Variants in LIMK2 observed in about 807,000 individuals in gnomAD.
The protein encoded by LIMK2 is LIM domain kinase 2.
Under a neutral mutation model 75.7 loss-of-function variants are expected in LIMK2, and 35 were observed. That is an observed-to-expected ratio of 0.46 (90% CI 0.35 to 0.61). The LOEUF is 0.61. LIMK2 is among the 20% of genes least tolerant of loss of function. The pLI is 0.00. For synonymous variants in LIMK2, 301 were observed against 319.2 expected (o/e 0.94, Z 0.61); for missense variants, 623 against 831.0 (o/e 0.75, Z 3.08).
intron 15 of LIMK2, among the ~76,000 whole-genome samples, chr22:31,276,221 G>A (rs753856356): frequency 3.8e-4 from 58 of 152,168 alleles, no homozygotes; most frequent in Non-Finnish European, 7.1e-4. Flanking sequence ...GGCAACAAGA[G>A]TGAAACTCTG....
intron 11 of LIMK2, among the ~76,000 whole-genome samples, chr22:31,270,101 A>C (rs2048940604): frequency 6.6e-6 from 1 of 152,224 alleles, no homozygotes; most frequent in East Asian, 1.9e-4. Context: ...CTGTGCTAGC[A>C]GAACCTATCA....
intron 2 of LIMK2, among the ~76,000 whole-genome samples, chr22:31,228,946 TCAAAA>T (rs2048501658): frequency 1.4e-5 from 2 of 139,026 alleles, no homozygotes; most frequent in Non-Finnish European, 3.0e-5. Context: ...AACCCCTGTC[TCAAAA>T]CAAAACAAAT....
intron 1 of LIMK2, among the ~76,000 whole-genome samples, chr22:31,221,055 A>G (rs2048429595): frequency 1.3e-5 from 2 of 152,230 alleles, no homozygotes; most frequent in African/African-American, 4.8e-5. Flanking sequence ...GGATGCAAGT[A>G]CATGAATAAA....
chr22:31,275,459 A>G (rs2049004112), intron 15 of LIMK2, 151 bp downstream of exon 15: 3 of 689,948 alleles, frequency 4.3e-6, no homozygotes, highest in Admixed American at 2.8e-5. Context: ...CTGACAACAC[A>G]TATGTACAGG....
intron 12 of LIMK2, 66 bp from the exon 13 acceptor site, chr22:31,272,464 C>T: frequency 6.8e-7 from 1 of 1,477,040 alleles, no homozygotes; most frequent in South Asian, 1.3e-5. Flanking sequence ...CTTGCCTATG[C>T]TTCCTCCCCA....
rs2049064730 is a variant in LIMK2, at chr22:31,279,497, G to A, written c.*1056G>A. On this transcript the variant is annotated 3_prime_UTR_variant, in exon 16 of 16. Transcript: ENST00000331728. ...GGTGGTGGCAGAGTCTCAAAGCTGAGATGCTGAGAGAGATAGCTCCCTGAG... is the reference window on the plus strand; with the variant it reads ...GGTGGTGGCAGAGTCTCAAAGCTGAAATGCTGAGAGAGATAGCTCCCTGAG... The A allele has an allele frequency of 6.6e-6, 1 of 152,268 alleles. No homozygotes were observed. Among genetic ancestry groups the A allele is most frequent in the Non-Finnish European group, 1.5e-5 (1 of 68,082 alleles). 9.4% of individuals were successfully genotyped at this position (152,268 alleles called of 1,614,324 possible).
chr22:31,227,360 A>C (rs902005633), intron 2 of LIMK2, among the ~76,000 whole-genome samples: 2 of 152,234 alleles, frequency 1.3e-5, no homozygotes, highest in Admixed American at 6.5e-5. Context: ...GCTTATACCA[A>C]GTAATTGAGT....
In LIMK2 at chr22:31,272,593, G is replaced by A; in HGVS notation, c.1447G>A (p.Ala483Thr). 2 of 1,613,886 alleles carry A rather than the reference G, an allele frequency of 1.2e-6. No homozygotes were observed. The highest frequency in any genetic ancestry group is 1.6e-4 in the Middle Eastern group (1 of 6,062). Residue 483 changes from alanine (A) to threonine (T), a missense_variant, in exon 13 of 16, where the codon GCC (alanine) becomes ACC (threonine). Ala to Thr is a moderately conservative substitution (Grantham distance 58). This residue lies in a region of LIMK2 where 514 missense variants were observed against 661.3 expected (regional missense o/e 0.78). Coordinates refer to ENST00000331728, the MANE Select transcript of LIMK2 (RefSeq NM_005569.4). ...GCTCATAGTGGAAGAGAGGAAAAGGGCCCCCATGGAGAAGGCCACCACCAA... is the reference window on the plus strand; with the variant it reads ...GCTCATAGTGGAAGAGAGGAAAAGGACCCCCATGGAGAAGGCCACCACCAA... ...SRLIVEERKR[A>T]PMEKATTKKR... is the part of the protein sequence containing the mutation.
At chr22:31,272,729 ACAC>A (rs2048972403) in intron 13 of LIMK2, 25 bp downstream of exon 13, 1 of 1,561,820 alleles carries the variant, frequency 6.4e-7, no homozygotes, top group Non-Finnish European at 8.7e-7. Context: ...CCTGGAGGGG[ACAC>A]CCGCAGAGGG....
chr22:31,262,218 C>T lies in LIMK2; in HGVS notation c.636C>T (p.Val212=), dbSNP rs1568997671. The change falls in exon 6 of 16, where the codon GTC becomes GTT. Residue 212 remains valine, a synonymous_variant. Transcript: ENST00000331728. This position sits in a 1 kb window ranked among gnomAD's most constrained non-coding sequence, Gnocchi z 5.0. Reference sequence around the variant, plus strand: ...TCCTGGAGATCAATGGGACCCCCGTCCGCACACTTCGAGTGGAGGAGGTAG... The same window carrying T: ...TCCTGGAGATCAATGGGACCCCCGTTCGCACACTTCGAGTGGAGGAGGTAG... ...DRILEINGTP[V]RTLRVEEVED... The T allele has an allele frequency of 3.1e-6, 5 of 1,613,714 alleles. No individual in the cohort carries two copies. Among genetic ancestry groups the T allele is most frequent in the East Asian group, 2.2e-5 (1 of 44,884 alleles).
At chr22:31,261,556 AAG>A (rs1042516060) in intron 5 of LIMK2, among the ~76,000 whole-genome samples, 4 of 151,358 alleles carry the variant, frequency 2.6e-5, no homozygotes, top group African/African-American at 9.7e-5. Flanking sequence ...AAAAAAAAAA[AAG>A]AGTTTGGGAT....
chr22:31,269,050 G>T (rs1002360896), intron 11 of LIMK2, among the ~76,000 whole-genome samples: 4 of 121,834 alleles, frequency 3.3e-5, no homozygotes, highest in African/African-American at 5.4e-5. Context: ...TTGTTTGTTT[G>T]TTTGTTTTTT....
chr22:31,258,252 G>C, intron 2 of LIMK2, 39 bp from the exon 3 acceptor site: 1 of 1,559,214 alleles, frequency 6.4e-7, no homozygotes, highest in Non-Finnish European at 8.7e-7. Flanking sequence ...CCTGGTTCCA[G>C]GGATCCAGGA....
At position 31,262,045 on chromosome 22, in the gene LIMK2, G is replaced by C; in HGVS notation, c.552-89G>C. 1 of 1,045,594 alleles carries C rather than the reference G, an allele frequency of 9.6e-7. No individual in the cohort carries two copies. Among genetic ancestry groups the C allele is most frequent in the Non-Finnish European group, 1.5e-6 (1 of 667,670 alleles). The allele number at this position is 1,045,594 out of a possible 1,614,324, so 64.8% of individuals were successfully genotyped here. ...CCCCTTAGGGGCCACTGGTGGCCTG[G>C]GACCTGGTAAACCTTCCCTGCACAA... On this transcript the variant is annotated intron_variant, in intron 5 of 15. Transcript: ENST00000331728. The surrounding 1 kb of genome is among the most constrained non-coding windows in gnomAD (Gnocchi z 5.0).
intron 14 of LIMK2, among the ~76,000 whole-genome samples, chr22:31,274,543 G>C (rs1359237867): frequency 6.6e-6 from 1 of 152,106 alleles, no homozygotes; most frequent in Non-Finnish European, 1.5e-5. Flanking sequence ...TGGGACTACA[G>C]GTGTGCGCCA....
At chr22:31,277,397 G>A (rs3193836) in intron 15 of LIMK2, 43 of 1,261,160 alleles carry the variant, frequency 3.4e-5, no homozygotes, top group Non-Finnish European at 2.5e-5. Context: ...GCGAGGTAGG[G>A]TACGCCTTTG....
At chr22:31,275,484 G>C (rs1326421479) in intron 15 of LIMK2, 176 bp downstream of exon 15, 1 of 610,306 alleles carries the variant, frequency 1.6e-6, no homozygotes, top group East Asian at 2.8e-5. Flanking sequence ...AGAAGAGAGA[G>C]GTAAAGACAT....
At chr22:31,223,500 A>T (rs1008387180) in intron 1 of LIMK2, among the ~76,000 whole-genome samples, 3 of 152,182 alleles carry the variant, frequency 2.0e-5, no homozygotes, top group Non-Finnish European at 4.4e-5. Context: ...AAATAATGAG[A>T]TGTGCTGGGG....
chr22:31,214,574 A>G (rs563194974), intron 1 of LIMK2, among the ~76,000 whole-genome samples: 50 of 151,778 alleles, frequency 3.3e-4, no homozygotes, highest in Non-Finnish European at 5.6e-4. Context: ...GATTACAGGC[A>G]TGAACCACCA....
Sources: allele counts gnomAD v4.1 joint callset (sites outside exome capture counted in the v4.1 genomes callset), GRCh38; gene constraint gnomAD v4.1.1; regional missense constraint gnomAD v4.1.1; non-coding constraint Gnocchi (gnomAD v3.1); transcripts MANE v1.5; gene names NCBI Gene and HGNC (gene_info 2026-07-23, HGNC 2026-07-21).